The following CEP164 variants were observed in gnomAD, a reference collection of about 807,000 sequenced individuals.
CEP164 encodes centrosomal protein of 164 kDa.
Under a neutral mutation model 182.7 loss-of-function variants are expected in CEP164, and 162 were observed. That is an observed-to-expected ratio of 0.89 (90% confidence interval 0.78 to 1.01). The LOEUF is 1.01. Ranked by LOEUF, CEP164 falls within the 50% of genes least tolerant of loss-of-function variation. The pLI is 0.00. For missense variants in CEP164, 1,735 were observed against 1,790.4 expected (o/e 0.97, Z 0.56); for synonymous variants, 661 against 690.0 (o/e 0.96, Z 0.66).
rs757822725 is a variant in CEP164 at position 117,395,148 on chromosome 11, A to T, written c.2870A>T (p.Gln957Leu). The change falls in exon 23 of 33, where the codon CAG becomes CTG. Residue 957 changes from glutamine to leucine, a missense_variant. Coordinates refer to ENST00000278935, the MANE Select transcript of CEP164 (RefSeq NM_014956.5). ...VQEETARREK[Q>L]QLLDVQRQVA... is the part of the protein sequence containing the mutation. ...GAGGAGACCGCCCGGAGGGAGAAGC[A>T]GCAGCTGCTTGATGTGCAGAGGCAG... is the stretch of plus-strand genomic sequence containing the variant. 3.5e-5 allele frequency: 56 copies of T among 1,614,040 alleles called. No individual in the cohort carries two copies. Among genetic ancestry groups the T allele is most frequent in the Non-Finnish European group, 4.5e-5 (53 of 1,180,054 alleles).
intron 5 of CEP164, chr11:117,356,164 C>T: frequency 9.5e-7 from 1 of 1,047,552 alleles, no homozygotes; most frequent in Non-Finnish European, 1.2e-6. Context: ...TCAGCCCCTT[C>T]TTAGATCCTC....
intron 27 of CEP164, among the ~76,000 whole-genome samples, chr11:117,403,256 C>T: frequency 6.6e-6 from 1 of 152,222 alleles, no homozygotes; most frequent in Admixed American, 6.5e-5. Flanking sequence ...GCAGTTTCTT[C>T]ATAGCATCGA....
intron 3 of CEP164, among the ~76,000 whole-genome samples, chr11:117,343,561 A>G (rs1430439883): frequency 6.6e-6 from 1 of 150,766 alleles, no homozygotes; most frequent in Non-Finnish European, 1.5e-5. Context: ...GGTTCTGCCT[A>G]TGGTTTGGGG....
At chr11:117,373,627 G>A in intron 9 of CEP164, 124 bp from the exon 10 acceptor site, 1 of 779,174 alleles carries the variant, frequency 1.3e-6, no homozygotes, top group East Asian at 2.5e-5. Context: ...TTTTCAAGAA[G>A]AGTGGATTTC....
At chr11:117,373,601 A>C (rs1592235936) in intron 9 of CEP164, 150 bp from the exon 10 acceptor site, 1 of 670,210 alleles carries the variant, frequency 1.5e-6, no homozygotes, top group Non-Finnish European at 2.6e-6. Flanking sequence ...GGCGGGGTCC[A>C]CAGGCCTCGT....
In CEP164 at chr11:117,409,509, GAGA is replaced by G. The variant is rs1252729553; in HGVS notation, c.3749-106_3749-104del. 1 of 956,354 alleles carries G rather than the reference GAGA, an allele frequency of 1.0e-6. No homozygotes were observed. 59.2% of individuals were successfully genotyped at this position (956,354 alleles called of 1,614,324 possible). A position where few individuals can be genotyped will look rare whatever the true frequency, so the allele number is the denominator to read the frequency against. On this transcript the variant is annotated intron_variant, in intron 29 of 32. Transcript: ENST00000278935. The surrounding 1 kb of genome is among the most constrained non-coding windows in gnomAD (Gnocchi z 4.4). ...CATAAGGTTGAGGGGCTGTTGTCTG[GAGA>G]AGCAGGGAGGGGTGGCCAGTAGGGT...
At chr11:117,363,391 T>G in intron 7 of CEP164, 38 bp from the exon 8 acceptor site, 1 of 1,503,290 alleles carries the variant, frequency 6.7e-7, no homozygotes, top group Non-Finnish European at 9.3e-7. Flanking sequence ...TTGACCAGTT[T>G]CTTCAGAGTT....
chr11:117,367,286 CT>C (rs1198546607), intron 8 of CEP164, among the ~76,000 whole-genome samples: 9 of 152,354 alleles, frequency 5.9e-5, no homozygotes, highest in African/African-American at 1.7e-4. Context: ...CCTCCTTCTG[CT>C]TTCCCCACCC....
intron 1 of CEP164, among the ~76,000 whole-genome samples, chr11:117,332,370 G>T (rs1200072670): frequency 6.6e-6 from 1 of 152,030 alleles, no homozygotes; most frequent in Non-Finnish European, 1.5e-5. Context: ...AGGATAGGAG[G>T]TCGAGACCAG....
chr11:117,338,610 A>T lies in CEP164; in HGVS notation c.24A>T (p.Ile8=), dbSNP rs746623048. The T allele has an allele frequency of 6.2e-6, 10 of 1,613,894 alleles. No individual in the cohort carries two copies. The South Asian group carries it at 8.8e-5, about 14-fold the overall frequency. Residue 8 remains isoleucine, a synonymous_variant, in exon 3 of 33, where the codon ATA becomes ATT. Coordinates refer to ENST00000278935, the MANE Select transcript of CEP164 (RefSeq NM_014956.5). ...TCATGGCTGGACGACCCCTCCGCAT[A>T]GGAGATCAGCTGGTTCTGGAAGAAG... The part of the protein sequence containing the change: MAGRPLR[I]GDQLVLEEDY...
chr11:117,396,242 G>T (rs936486128), intron 25 of CEP164, 62 bp downstream of exon 25: 2 of 1,566,504 alleles, frequency 1.3e-6, no homozygotes, highest in East Asian at 2.2e-5. Flanking sequence ...ATTGGGAGGG[G>T]CTGGGCATCA....
chr11:117,377,276 G>C (rs2042856231), intron 11 of CEP164, among the ~76,000 whole-genome samples: 1 of 152,228 alleles, frequency 6.6e-6, no homozygotes, highest in Non-Finnish European at 1.5e-5. Context: ...TAGGGTTCAT[G>C]CTCCTGTCAG....
intron 5 of CEP164, among the ~76,000 whole-genome samples, chr11:117,359,904 G>A (rs1010886942): frequency 6.6e-6 from 1 of 152,170 alleles, no homozygotes; most frequent in African/African-American, 2.4e-5. Context: ...TTGCGGATGA[G>A]TAAACTGAGA....
At chr11:117,336,531 T>C (rs528378732) in intron 2 of CEP164, 13 of 1,527,138 alleles carry the variant, frequency 8.5e-6, no homozygotes, top group Admixed American at 1.8e-5. Flanking sequence ...GGGGAAAGGG[T>C]GGATTGATAG....
intron 3 of CEP164, among the ~76,000 whole-genome samples, chr11:117,340,458 A>G (rs2037932563): frequency 6.6e-6 from 1 of 152,234 alleles, no homozygotes. Context: ...AGGGTTCACA[A>G]TTCTTGCATC....
intron 15 of CEP164, among the ~76,000 whole-genome samples, chr11:117,389,746 G>A (rs757458835): frequency 2.0e-5 from 3 of 152,154 alleles, no homozygotes; most frequent in Non-Finnish European, 4.4e-5. Flanking sequence ...GGAAGGAAGA[G>A]TGTGGTAGAA....
chr11:117,407,699 A>T (rs143473632), intron 27 of CEP164, among the ~76,000 whole-genome samples: 3 of 152,174 alleles, frequency 2.0e-5, no homozygotes, highest in African/African-American at 7.2e-5. Flanking sequence ...AACAGTAACC[A>T]TCTGAGAGTT....
Position 117,375,609 on chromosome 11 carries a change from G to A in CEP164, c.1234-99G>A. 4.5e-6 allele frequency: 4 copies of A among 898,258 alleles called. No individual in the cohort carries two copies. In the South Asian group the frequency reaches 5.6e-5, roughly 13 times the overall value. The allele number at this position is 898,258 out of a possible 1,614,324, so 55.6% of individuals were successfully genotyped here. A position where few individuals can be genotyped will look rare whatever the true frequency, so the allele number is the denominator to read the frequency against. ...TTGGCACAGAGCTGGGCACATAATA[G>A]ACATCTTTCTGGAAAGTGGAGTTGG... is the stretch of plus-strand genomic sequence containing the variant. On this transcript the variant is annotated intron_variant, in intron 10 of 32. Transcript: ENST00000278935.
intron 3 of CEP164, among the ~76,000 whole-genome samples, chr11:117,342,346 G>T (rs1019635643): frequency 6.6e-6 from 1 of 152,216 alleles, no homozygotes; most frequent in African/African-American, 2.4e-5. Context: ...TGGCTCATTG[G>T]TGATGCCCTT....
Sources: gnomAD v4.1 joint callset for allele counts (sites outside exome capture counted in the v4.1 genomes callset) on GRCh38, gnomAD v4.1.1 for gene constraint, Gnocchi (gnomAD v3.1) non-coding constraint, MANE v1.5 for transcripts, NCBI Gene and HGNC (gene_info 2026-07-23, HGNC 2026-07-21) for gene names.